C19orf47: variants seen among roughly 807,000 people sequenced by gnomAD.
C19orf47 encodes chromosome 19 open reading frame 47.
Under a neutral mutation model 32.3 loss-of-function variants are expected in C19orf47, and 18 were observed. The observed-to-expected ratio is 0.56, with a 90% confidence interval of 0.39 to 0.83. C19orf47 has a LOEUF of 0.83. Ranked by LOEUF, C19orf47 falls within the 40% of genes least tolerant of loss-of-function variation. The probability of loss-of-function intolerance (pLI) is 0.00; values close to 1 mark genes in which losing one functional copy is unlikely to be tolerated. For synonymous variants in C19orf47, 202 were observed against 211.1 expected, an observed-to-expected ratio of 0.96 and a Z score of 0.37; for missense variants, 484 against 531.6, an observed-to-expected ratio of 0.91 and a Z score of 0.88.
At chr19:40,341,951 T>G in intron 1 of C19orf47, 61 bp from the exon 2 acceptor site, 1 of 1,535,720 alleles carries the variant, frequency 6.5e-7, no homozygotes, top group Non-Finnish European at 8.7e-7. Context: ...TTTGTCCCTC[T>G]CCTGTGCCTG....
chr19:40,321,532 C>G lies in C19orf47; in HGVS notation c.*350G>C, dbSNP rs375991474. 4.7e-6 allele frequency: 5 copies of G among 1,060,236 alleles called. No individual in the cohort carries two copies. In the African/African-American group the frequency reaches 6.7e-5, roughly 14 times the overall value. The allele number at this position is 1,060,236 out of a possible 1,614,324, so 65.7% of individuals were successfully genotyped here. On this transcript the variant is annotated 3_prime_UTR_variant, in exon 9 of 9. Coordinates refer to ENST00000683109, the MANE Select transcript of C19orf47 (RefSeq NM_001256441.2). ...GACAGGGAGGCTGATGAGCTGGGGT[C>G]TGAGGCAGCAGACCCTGCTCAGGGG...
intron 2 of C19orf47, among the ~76,000 whole-genome samples, chr19:40,337,391 T>C (rs2078087054): frequency 6.6e-6 from 1 of 151,624 alleles, no homozygotes; most frequent in African/African-American, 2.4e-5. Context: ...TATGAAACTT[T>C]ATTCTTTCTA....
At chr19:40,322,468 C>T (rs1440823502) in intron 8 of C19orf47, 92 bp from the exon 9 acceptor site, 21 of 1,396,758 alleles carry the variant, frequency 1.5e-5, no homozygotes, top group Admixed American at 2.7e-5. Context: ...CCTCCTGGGA[C>T]TCACAGTTGG....
At chr19:40,335,213 C>T (rs1349796826) in intron 4 of C19orf47, among the ~76,000 whole-genome samples, 1 of 152,176 alleles carries the variant, frequency 6.6e-6, no homozygotes, top group African/African-American at 2.4e-5. Flanking sequence ...ACACTAGCAT[C>T]AGGGCTGTGT....
At chr19:40,305,342 C>CA in the C19orf47 span, among the ~76,000 whole-genome samples, 1,473 of 119,404 alleles carry the variant, frequency 0.012, 18 homozygotes, top group African/African-American at 0.035. Context: ...GACTCTGTCT[C>CA]AAAAAAAAAA....
At chr19:40,344,296 T>C (rs963426416) in intron 1 of C19orf47, among the ~76,000 whole-genome samples, 9 of 151,044 alleles carry the variant, frequency 6.0e-5, no homozygotes, top group African/African-American at 1.7e-4. Flanking sequence ...CTGGCCAACA[T>C]GGTGAAACCC....
chr19:40,312,461 C>T, the C19orf47 span, among the ~76,000 whole-genome samples: 20 of 152,110 alleles, frequency 1.3e-4, no homozygotes, highest in South Asian at 8.3e-4. Flanking sequence ...AGGAGAATGG[C>T]GTGAACCCAG....
chr19:40,333,561 C>G (rs2077998898), intron 5 of C19orf47, among the ~76,000 whole-genome samples: 1 of 152,070 alleles, frequency 6.6e-6, no homozygotes, highest in Non-Finnish European at 1.5e-5. Flanking sequence ...CTAGTATTTC[C>G]CATAGGAGCA....
At chr19:40,318,067 CTA>C (rs1244248127), downstream of C19orf47, among the ~76,000 whole-genome samples, 2 of 151,718 alleles carry the variant, frequency 1.3e-5, no homozygotes, top group Non-Finnish European at 2.9e-5. Context: ...TCCAAAAGGG[CTA>C]TGTTTCAAAT....
At chr19:40,342,072 G>A (rs1289014043) in intron 1 of C19orf47, 182 bp from the exon 2 acceptor site, 8 of 985,096 alleles carry the variant, frequency 8.1e-6, no homozygotes, top group Non-Finnish European at 9.6e-6. Context: ...CACCATCATC[G>A]CTTGTGCCTG....
the C19orf47 span, among the ~76,000 whole-genome samples, chr19:40,303,657 A>T: frequency 1.3e-5 from 2 of 151,856 alleles, no homozygotes; most frequent in African/African-American, 4.8e-5. Flanking sequence ...ACAAAAAATT[A>T]GCCGGGCGTG....
At chr19:40,330,215 T>C (rs1445678173) in intron 5 of C19orf47, among the ~76,000 whole-genome samples, 8 of 152,086 alleles carry the variant, frequency 5.3e-5, no homozygotes, top group African/African-American at 1.9e-4. Context: ...TATTTTCATT[T>C]ACTTTCCCTT....
the C19orf47 span, among the ~76,000 whole-genome samples, chr19:40,302,168 C>CA: frequency 9.9e-5 from 15 of 151,368 alleles, no homozygotes; most frequent in South Asian, 4.2e-4. Context: ...CTCCAAAAAG[C>CA]AAAAAAAAGA....
At chr19:40,338,266 T>C (rs866141623) in intron 2 of C19orf47, among the ~76,000 whole-genome samples, 2,257 of 143,570 alleles carry the variant, frequency 0.016, 22 homozygotes, top group Middle Eastern at 0.033. Flanking sequence ...TACATATATA[T>C]ACACACACAC....
chr19:40,310,116 C>A, the C19orf47 span, among the ~76,000 whole-genome samples: 1 of 152,108 alleles, frequency 6.6e-6, no homozygotes, highest in Admixed American at 6.6e-5. Flanking sequence ...TATAAACAAC[C>A]CAAATGTCCA....
chr19:40,335,988 G>T, intron 4 of C19orf47, 122 bp downstream of exon 4: 1 of 787,480 alleles, frequency 1.3e-6, no homozygotes, highest in Non-Finnish European at 2.1e-6. Flanking sequence ...ACAGCAAATG[G>T]CTGAACCAGC....
chr19:40,332,038 CAAA>C (rs781472516), intron 5 of C19orf47, among the ~76,000 whole-genome samples: 1 of 105,298 alleles, frequency 9.5e-6, no homozygotes. Context: ...AACTCCATCT[CAAA>C]AAAAAAAAAA....
the C19orf47 span, among the ~76,000 whole-genome samples, chr19:40,301,197 A>G: frequency 6.6e-6 from 1 of 152,022 alleles, no homozygotes; most frequent in Admixed American, 6.6e-5. Flanking sequence ...ATCAGGAAGA[A>G]TAAGAATTAC....
chr19:40,314,083 T>C, the C19orf47 span, among the ~76,000 whole-genome samples: 1 of 152,228 alleles, frequency 6.6e-6, no homozygotes, highest in Middle Eastern at 3.4e-3. Context: ...GCAGGAAATA[T>C]TCAAGATGAG....
Sources: allele counts gnomAD v4.1 joint callset (sites outside exome capture counted in the v4.1 genomes callset), GRCh38; gene constraint gnomAD v4.1.1; transcripts MANE v1.5; gene names NCBI Gene and HGNC (gene_info 2026-07-23, HGNC 2026-07-21).